POLR1B: variants seen among roughly 807,000 people sequenced by gnomAD.
POLR1B encodes RNA polymerase I subunit B.
In POLR1B, 30 loss-of-function variants were observed where a neutral mutation model predicts 105.8. The ratio of observed to expected loss-of-function variants is 0.28; its 90% CI spans 0.21 to 0.38. The LOEUF (loss-of-function observed/expected upper bound fraction) is 0.38. POLR1B is among the 10% of genes least tolerant of loss of function. The pLI, the probability that POLR1B is intolerant of heterozygous loss-of-function variation, is 1.00. For synonymous variants in POLR1B, 485 were observed against 505.1 expected, an observed-to-expected ratio of 0.96 and a Z score of 0.53; for missense variants, 976 against 1,435.8, an observed-to-expected ratio of 0.68 and a Z score of 5.17.
intron 13 of POLR1B, among the ~76,000 whole-genome samples, chr2:112,573,188 C>T (rs753746426): frequency 2.0e-5 from 3 of 152,158 alleles, no homozygotes; most frequent in Non-Finnish European, 4.4e-5. Context: ...CTGCAACCTC[C>T]ACCTTCTGGG....
chr2:112,555,763 G>A lies in POLR1B; in HGVS notation c.1159-2147G>A, dbSNP rs112727048. On this transcript the variant is annotated intron_variant, in intron 7 of 14. Transcript: ENST00000263331. ...GCTTTTTCAGAGAATTCATTGCCGA[G>A]TATCTGATTTCCTTACCAGCTACGT... Among the ~76,000 whole-genome samples, 1,357 of 152,300 alleles carry A rather than the reference G, an allele frequency of 8.9e-3. 13 individuals carry two copies. The highest frequency in any genetic ancestry group is 0.018 in the African/African-American group (735 of 41,564).
intron 1 of POLR1B, among the ~76,000 whole-genome samples, chr2:112,543,725 G>T (rs948572404): frequency 1.3e-5 from 2 of 151,988 alleles, no homozygotes; most frequent in African/African-American, 4.8e-5. Flanking sequence ...GACTAGAGGG[G>T]TGGGGGTTAT....
chr2:112,551,143 A>G (rs938383462), intron 5 of POLR1B, 141 bp downstream of exon 5: 18 of 892,546 alleles, frequency 2.0e-5, no homozygotes, highest in South Asian at 4.9e-5. Context: ...TCAAAATTCA[A>G]TAGCTTAAAA....
Position 112,575,007 on chromosome 2 carries a change from T to C in POLR1B, c.2686T>C (p.Leu896=), listed in dbSNP as rs755349076. 1.2e-6 allele frequency: 2 copies of C among 1,614,124 alleles called. No homozygotes were observed. Among genetic ancestry groups the C allele is most frequent in the South Asian group, 1.1e-5 (1 of 91,076 alleles). Residue 896 remains leucine, a synonymous_variant, in exon 15 of 15, where the codon TTG becomes CTG. Coordinates refer to ENST00000263331, the MANE Select transcript of POLR1B (RefSeq NM_019014.6). The surrounding 1 kb of genome is among the most constrained non-coding windows in gnomAD (Gnocchi z 5.3). ...TGGGCAGAAGGGCATTTTAAGCAGA[T>C]TGTGGCCGGCTGAGGACATGCCTTT... ...RHGQKGILSR[L]WPAEDMPFTE...
intron 6 of POLR1B, 74 bp downstream of exon 6, chr2:112,552,072 T>A (rs1318109490): frequency 3.2e-6 from 4 of 1,236,562 alleles, no homozygotes; most frequent in Non-Finnish European, 3.5e-6. Context: ...GGTTGCAGTT[T>A]GGGCGGGCGA....
At position 112,550,867 on chromosome 2, in the gene POLR1B, A is replaced by C. The variant is rs1329237503; in HGVS notation, c.627A>C (p.Gly209=). Residue 209 remains glycine (G), a splice_region_variant and synonymous_variant, in exon 5 of 15, where the codon GGA becomes GGC. Transcript: ENST00000263331. ...KTRGPGYTQY[G]VSMHCVREEH... ...TTTTTTTGTTGTTTGGTTCAATAGG[A>C]GTTTCAATGCACTGTGTGAGGGAAG... The C allele has an allele frequency of 6.2e-7, 1 of 1,613,118 alleles. No individual in the cohort carries two copies. Among genetic ancestry groups the C allele is most frequent in the African/African-American group, 1.3e-5 (1 of 74,886 alleles).
chr2:112,569,024 G>A, intron 12 of POLR1B, 122 bp downstream of exon 12: 1 of 1,133,962 alleles, frequency 8.8e-7, no homozygotes, highest in Non-Finnish European at 1.2e-6. Flanking sequence ...TTTATGGCAA[G>A]TTTTTCTTTT....
intron 4 of POLR1B, among the ~76,000 whole-genome samples, chr2:112,550,269 C>T (rs1021189253): frequency 2.0e-5 from 3 of 152,224 alleles, no homozygotes; most frequent in African/African-American, 7.2e-5. Flanking sequence ...GTCTGACAGC[C>T]ACCTGGCCTC....
rs1183089460 is a variant in POLR1B, at chr2:112,553,452, A to AG, written c.1158+636_1158+637insG. 2.6e-5 allele frequency: 4 copies of AG among 152,014 alleles called. 1 individual carries two copies. Among genetic ancestry groups the AG allele is most frequent in the Admixed American group, 2.6e-4 (4 of 15,248 alleles). 9.4% of individuals were successfully genotyped at this position (152,014 alleles called of 1,614,324 possible). On this transcript the variant is annotated intron_variant, in intron 7 of 14. Transcript: ENST00000263331. The stretch of plus-strand genomic sequence containing the variant: ...CTCAGCCTCCTGAGCAGCTGGGACT[A>AG]TAGACATTCACCACCACACCCGGCT...
intron 9 of POLR1B, among the ~76,000 whole-genome samples, chr2:112,562,681 C>T (rs966623054): frequency 4.0e-5 from 6 of 150,322 alleles, no homozygotes; most frequent in East Asian, 3.9e-4. Context: ...CTGATCTGGG[C>T]GGTGGTTGCT....
rs542252740 is a variant in POLR1B, at chr2:112,564,218, T to C, written c.1613-148T>C. On this transcript the variant is annotated intron_variant, in intron 9 of 14. Coordinates refer to ENST00000263331, the MANE Select transcript of POLR1B (RefSeq NM_019014.6). The stretch of plus-strand genomic sequence containing the variant: ...CCTGCTTGAAATATCTGAAGTGCAG[T>C]TAAAAGAAATAATGCCTGTACCTGT... 1.8e-5 allele frequency: 16 copies of C among 914,234 alleles called. No individual in the cohort carries two copies. The East Asian group carries it at 4.2e-4, about 24-fold the overall frequency. The allele number at this position is 914,234 out of a possible 1,614,324, so 56.6% of individuals were successfully genotyped here.
Position 112,567,969 on chromosome 2 carries a change from G to A in POLR1B, c.1749G>A (p.Val583=). Reference sequence around the variant, plus strand: ...AACTCTGTTTTTGTTAAAAACAGGTGTTGAGAGAGAAAAGAATTCCTCCCT... The same window carrying A: ...AACTCTGTTTTTGTTAAAAACAGGTATTGAGAGAGAAAAGAATTCCTCCCT... ...GIADSLRHFK[V]LREKRIPPWM... The change falls in exon 11 of 15, where the codon GTG becomes GTA. Residue 583 remains valine, a splice_region_variant and synonymous_variant. Coordinates refer to ENST00000263331, the MANE Select transcript of POLR1B (RefSeq NM_019014.6). 6.8e-6 allele frequency: 11 copies of A among 1,613,672 alleles called. No homozygotes were observed. The highest frequency in any genetic ancestry group is 9.3e-6 in the Non-Finnish European group (11 of 1,179,710).
chr2:112,561,246 A>G (rs1191672025), intron 9 of POLR1B, among the ~76,000 whole-genome samples: 1 of 152,194 alleles, frequency 6.6e-6, no homozygotes, highest in Non-Finnish European at 1.5e-5. Flanking sequence ...AAAGGAGAAA[A>G]GAGAAAGTGG....
chr2:112,560,570 T>C (rs1426316262), intron 9 of POLR1B, among the ~76,000 whole-genome samples: 1 of 152,106 alleles, frequency 6.6e-6, no homozygotes, highest in Non-Finnish European at 1.5e-5. Context: ...TGCAGTCTTC[T>C]AGTCCCAGGG....
chr2:112,567,991 C>T lies in POLR1B; in HGVS notation c.1771C>T (p.Pro591Ser). The T allele has an allele frequency of 6.2e-7, 1 of 1,613,916 alleles. No homozygotes were observed. The highest frequency in any genetic ancestry group is 2.2e-5 in the East Asian group (1 of 44,880). The stretch of plus-strand genomic sequence containing the variant: ...GGTGTTGAGAGAGAAAAGAATTCCT[C>T]CCTGGATGGAAGTGGTCCTTATACC... ...FKVLREKRIP[P>S]WMEVVLIPMT... is the part of the protein sequence containing the mutation. The change falls in exon 11 of 15, where the codon CCC (proline) becomes TCC (serine). Residue 591 changes from proline (P) to serine (S), a missense_variant. Pro to Ser is a moderately conservative substitution (Grantham distance 74). This residue lies in a region of POLR1B where 184 missense variants were observed against 197.4 expected (regional missense o/e 0.93). Transcript: ENST00000263331.
At chr2:112,558,282 C>T (rs1472994292) in intron 8 of POLR1B, among the ~76,000 whole-genome samples, 1 of 152,184 alleles carries the variant, frequency 6.6e-6, no homozygotes, top group Non-Finnish European at 1.5e-5. Context: ...TAACTGAATA[C>T]ATTTTCTCTG....
At chr2:112,574,228 A>G (rs887482876) in intron 14 of POLR1B, among the ~76,000 whole-genome samples, 3 of 152,134 alleles carry the variant, frequency 2.0e-5, no homozygotes, top group Non-Finnish European at 2.9e-5. Flanking sequence ...CCTAGCCAAA[A>G]TGTTGAGCTC....
intron 14 of POLR1B, among the ~76,000 whole-genome samples, chr2:112,574,127 G>A (rs1684741076): frequency 6.6e-6 from 1 of 152,174 alleles, no homozygotes; most frequent in African/African-American, 2.4e-5. Context: ...TTACAGGCCT[G>A]AGCCACCATC....
Position 112,572,578 on chromosome 2 carries a change from C to T in POLR1B, c.2091C>T (p.Gly697=). 1 of 1,581,888 alleles carries T rather than the reference C, an allele frequency of 6.3e-7. No individual in the cohort carries two copies. The highest frequency in any genetic ancestry group is 8.6e-7 in the Non-Finnish European group (1 of 1,164,526). Residue 697 remains glycine, a synonymous_variant, in exon 13 of 15, where the codon GGC becomes GGT. Coordinates refer to ENST00000263331, the MANE Select transcript of POLR1B (RefSeq NM_019014.6). ...TCCATGTAGGTAAGCAAACTATGGG[C>T]TTTCCACTTCTCACTTATCAAGACC... The part of the protein sequence containing the change: ...YQCQMGKQTM[G]FPLLTYQDRS...
Sources: gnomAD v4.1 joint callset for allele counts (sites outside exome capture counted in the v4.1 genomes callset) on GRCh38, gnomAD v4.1.1 for gene constraint, gnomAD v4.1.1 regional missense constraint, Gnocchi (gnomAD v3.1) non-coding constraint, MANE v1.5 for transcripts, NCBI Gene and HGNC (gene_info 2026-07-23, HGNC 2026-07-21) for gene names.